Variants in VRK1 observed in about 807,000 individuals in gnomAD.
The protein encoded by VRK1 is serine/threonine-protein kinase VRK1.
Under a neutral mutation model 57.1 loss-of-function variants are expected in VRK1, and 33 were observed. That is an observed-to-expected ratio of 0.58 (90% CI 0.44 to 0.77). The LOEUF (loss-of-function observed/expected upper bound fraction) is 0.77. Among genes scored for constraint, VRK1 ranks in the 30% least tolerant of loss-of-function variants. The pLI is 0.00. For synonymous variants in VRK1, 137 were observed against 147.8 expected (o/e 0.93, Z 0.53); for missense variants, 413 against 477.3 (o/e 0.87, Z 1.25).
intron 3 of VRK1, among the ~76,000 whole-genome samples, chr14:96,840,729 G>T (rs1163192103): frequency 6.6e-6 from 1 of 152,112 alleles, no homozygotes; most frequent in African/African-American, 2.4e-5. Context: ...CAAATGATAT[G>T]GTTACCTCTG....
chr14:96,872,927 GT>G (rs1296816800), intron 11 of VRK1, among the ~76,000 whole-genome samples: 1 of 152,072 alleles, frequency 6.6e-6, no homozygotes, highest in Non-Finnish European at 1.5e-5. Flanking sequence ...TTAGTGCAGT[GT>G]TTAGAACAAA....
chr14:96,876,717 CAAGTT>C (rs1466601595), intron 12 of VRK1, among the ~76,000 whole-genome samples: 1 of 134,622 alleles, frequency 7.4e-6, no homozygotes, highest in East Asian at 2.2e-4. Flanking sequence ...TTTTTTTGAA[CAAGTT>C]AAGAGGAAAG....
chr14:96,803,669 A>T (rs1291332383), intron 1 of VRK1, among the ~76,000 whole-genome samples: 1 of 152,230 alleles, frequency 6.6e-6, no homozygotes, highest in Non-Finnish European at 1.5e-5. Context: ...TCCCTCACAG[A>T]TGAAGGGGGT....
intron 1 of VRK1, among the ~76,000 whole-genome samples, chr14:96,809,735 G>C (rs1435419256): frequency 6.6e-6 from 1 of 151,854 alleles, no homozygotes; most frequent in African/African-American, 2.4e-5. Context: ...ACCACGCCTG[G>C]CTCATTTTTG....
intron 1 of VRK1, among the ~76,000 whole-genome samples, chr14:96,814,769 A>AT (rs1053557060): frequency 9.2e-5 from 14 of 152,100 alleles, no homozygotes; most frequent in Non-Finnish European, 1.9e-4. Flanking sequence ...CTTTCCTTGT[A>AT]TTTTTCACTT....
rs561022501 is a variant in VRK1 at position 96,861,095 on chromosome 14, G to A, written c.1068+360G>A. On this transcript the variant is annotated intron_variant, in intron 11 of 12. Transcript: ENST00000216639. ...TTTCTTATTTGTGGATATGGTCAGA[G>A]TATTTACCAGTTGAAAACGGGCATT... Among the ~76,000 whole-genome samples, 7 of 152,218 alleles carry A rather than the reference G, an allele frequency of 4.6e-5. No homozygotes were observed. The East Asian group carries it at 1.3e-3, about 29-fold the overall frequency.
intron 1 of VRK1, among the ~76,000 whole-genome samples, chr14:96,797,843 C>A (rs546149466): frequency 4.6e-5 from 7 of 152,234 alleles, no homozygotes; most frequent in African/African-American, 1.4e-4. Flanking sequence ...GCCCCTGCCC[C>A]GCAGAGCTCA....
intron 10 of VRK1, among the ~76,000 whole-genome samples, chr14:96,856,831 G>A (rs1788742555): frequency 6.6e-6 from 1 of 152,164 alleles, no homozygotes; most frequent in Non-Finnish European, 1.5e-5. Context: ...AGCCAGGCGT[G>A]GTGACGCACG....
intron 11 of VRK1, among the ~76,000 whole-genome samples, chr14:96,869,896 G>A (rs1414368743): frequency 1.3e-5 from 2 of 152,054 alleles, no homozygotes; most frequent in African/African-American, 4.8e-5. Flanking sequence ...TCTGTAATAC[G>A]CTTGTTCATG....
chr14:96,810,580 C>T (rs925116546), intron 1 of VRK1, among the ~76,000 whole-genome samples: 2 of 152,056 alleles, frequency 1.3e-5, no homozygotes, highest in Non-Finnish European at 2.9e-5. Flanking sequence ...GGACACAAGC[C>T]TGGGAGTTAG....
intron 12 of VRK1, chr14:96,877,763 G>A: frequency 1.3e-6 from 1 of 798,834 alleles, no homozygotes; most frequent in Non-Finnish European, 1.5e-6. Flanking sequence ...TTTCTTGACT[G>A]CCTGGACATC....
At chr14:96,833,941 C>G (rs1232344710) in intron 2 of VRK1, among the ~76,000 whole-genome samples, 3 of 152,196 alleles carry the variant, frequency 2.0e-5, no homozygotes, top group Admixed American at 1.3e-4. Flanking sequence ...TCTTTCCCCT[C>G]CCACCTCCAC....
chr14:96,880,308 T>C (rs1295171991), intron 12 of VRK1, among the ~76,000 whole-genome samples: 5 of 152,186 alleles, frequency 3.3e-5, no homozygotes, highest in Non-Finnish European at 7.3e-5. Context: ...GAAGTATTGA[T>C]CTTTTGTTTT....
intron 1 of VRK1, among the ~76,000 whole-genome samples, chr14:96,807,045 A>G (rs904566608): frequency 6.6e-6 from 1 of 152,114 alleles, no homozygotes; most frequent in Non-Finnish European, 1.5e-5. Context: ...AGAACTCACT[A>G]TCTCTAGGGC....
At chr14:96,862,132 T>C (rs1229061023) in intron 11 of VRK1, among the ~76,000 whole-genome samples, 1 of 151,878 alleles carries the variant, frequency 6.6e-6, no homozygotes, top group Non-Finnish European at 1.5e-5. Context: ...ATCCCTTTGT[T>C]GTTTGGACTT....
Position 96,825,917 on chromosome 14 carries a change from A to C in VRK1, c.-5-7550A>C, listed in dbSNP as rs563166748. Among the ~76,000 whole-genome samples the C allele has an allele frequency of 5.3e-4, 80 of 152,352 alleles. No individual in the cohort carries two copies. In the South Asian group the frequency reaches 0.016, roughly 30 times the overall value. On this transcript the variant is annotated intron_variant, in intron 1 of 12. Coordinates refer to ENST00000216639, the MANE Select transcript of VRK1 (RefSeq NM_003384.3). The stretch of plus-strand genomic sequence containing the variant: ...TTTTGGGGAAAATTTATGAGTAGTC[A>C]TTCAGTATATAACGAGCTTTATTCA...
chr14:96,880,227 C>T (rs1889203956), intron 12 of VRK1, among the ~76,000 whole-genome samples: 1 of 152,146 alleles, frequency 6.6e-6, no homozygotes, highest in Admixed American at 6.5e-5. Flanking sequence ...AACCCATGAT[C>T]AGAAAACCTT....
chr14:96,862,542 G>A (rs1888431384), intron 11 of VRK1, among the ~76,000 whole-genome samples: 1 of 150,040 alleles, frequency 6.7e-6, no homozygotes, highest in Non-Finnish European at 1.5e-5. Flanking sequence ...GAAAGAACTG[G>A]ACCAGACCAG....
At position 96,876,578 on chromosome 14, in the gene VRK1, A is replaced by G. The variant is rs185257912; in HGVS notation, c.1159+458A>G. ...GACCAGAACTCTTAACTGTCAGGCC[A>G]ATGTCTTTCCACTTCCTCACACTGA... On this transcript the variant is annotated intron_variant, in intron 12 of 12. Coordinates refer to ENST00000216639, the MANE Select transcript of VRK1 (RefSeq NM_003384.3). 2.0e-4 allele frequency among the ~76,000 whole-genome samples: 31 copies of G among 152,284 alleles called. No individual in the cohort carries two copies. The East Asian group carries it at 5.2e-3, about 26-fold the overall frequency.
Sources: allele counts gnomAD v4.1 joint callset (sites outside exome capture counted in the v4.1 genomes callset), GRCh38; gene constraint gnomAD v4.1.1; transcripts MANE v1.5; gene names NCBI Gene and HGNC (gene_info 2026-07-23, HGNC 2026-07-21).